The following CACNA1E variants were observed in gnomAD, a reference collection of about 807,000 sequenced individuals.
The protein encoded by CACNA1E is calcium voltage-gated channel subunit alpha1 E, also known as voltage-dependent R-type calcium channel subunit alpha-1E.
In CACNA1E, 40 loss-of-function variants were observed where a neutral mutation model predicts 259.2. The observed-to-expected ratio is 0.15, with a 90% confidence interval of 0.12 to 0.20. The LOEUF is 0.20. CACNA1E is among the 10% of genes least tolerant of loss of function. The pLI, the probability that CACNA1E is intolerant of heterozygous loss-of-function variation, is 1.00. For synonymous variants in CACNA1E, 1,104 were observed against 1,138.5 expected, an observed-to-expected ratio of 0.97 and a Z score of 0.61; for missense variants, 1,874 against 3,040.1, an observed-to-expected ratio of 0.62 and a Z score of 9.02.
intron 1 of CACNA1E, among the ~76,000 whole-genome samples, chr1:181,506,638 CG>C (rs1156802200): frequency 1.3e-5 from 2 of 152,226 alleles, no homozygotes; most frequent in East Asian, 3.9e-4. Context: ...CTGTGGGGCA[CG>C]GGGAGAAACT....
intron 1 of CACNA1E, among the ~76,000 whole-genome samples, chr1:181,487,023 A>ATTTTT (rs113857890): frequency 2.1e-5 from 3 of 145,250 alleles, no homozygotes; most frequent in Admixed American, 6.8e-5. Flanking sequence ...TAAGTGCCAG[A>ATTTTT]TTTTTTTTTT....
intron 6 of CACNA1E, among the ~76,000 whole-genome samples, chr1:181,596,597 T>TAC (rs1553293355): frequency 6.9e-6 from 1 of 144,750 alleles, no homozygotes; most frequent in African/African-American, 2.5e-5. Flanking sequence ...TGTGTGTGTG[T>TAC]ACACACACAT....
intron 3 of CACNA1E, among the ~76,000 whole-genome samples, chr1:181,535,673 A>G (rs550875904): frequency 1.3e-5 from 2 of 150,906 alleles, no homozygotes; most frequent in South Asian, 4.2e-4. Context: ...TGCTTCCAAT[A>G]TCAACATGAT....
intron 5 of CACNA1E, 48 bp from the exon 6 acceptor site, chr1:181,580,546 AT>A (rs1651421283): frequency 2.5e-6 from 4 of 1,570,898 alleles, no homozygotes; most frequent in Non-Finnish European, 3.5e-6. Flanking sequence ...TTTCCAGCTC[AT>A]GCGAAACACC....
intron 2 of CACNA1E, among the ~76,000 whole-genome samples, chr1:181,413,945 T>G (rs1294430908): frequency 2.0e-5 from 3 of 152,246 alleles, no homozygotes; most frequent in African/African-American, 7.2e-5. Context: ...GGATCATCTA[T>G]TTCATCTTTA....
chr1:181,638,723 C>A (rs112205835), intron 6 of CACNA1E, among the ~76,000 whole-genome samples: 1 of 152,172 alleles, frequency 6.6e-6, no homozygotes, highest in Non-Finnish European at 1.5e-5. Context: ...CTCATGGGGG[C>A]AGTTTCCCCC....
chr1:181,731,144 T>C (rs1312372496), intron 18 of CACNA1E, 31 bp from the exon 19 acceptor site: 2 of 1,596,344 alleles, frequency 1.3e-6, no homozygotes, highest in Middle Eastern at 1.7e-4. Flanking sequence ...GAGGTTGGGG[T>C]GAACTGAACC....
At chr1:181,769,121 G>A (rs551905154) in intron 35 of CACNA1E, among the ~76,000 whole-genome samples, 1 of 152,274 alleles carries the variant, frequency 6.6e-6, no homozygotes, top group South Asian at 2.1e-4. Context: ...TGTGAACTTG[G>A]TGAAGTCACT....
rs74127823 is a variant in CACNA1E, at chr1:181,705,120, G to A, written c.1056-5834G>A. 5.5e-3 allele frequency among the ~76,000 whole-genome samples: 844 copies of A among 152,314 alleles called. 10 individuals carry two copies. The highest frequency in any genetic ancestry group is 0.019 in the African/African-American group (791 of 41,570). Reference sequence around the variant, plus strand: ...AGTTACTTCATTAAGGCAGAAATTAGCCACTTTGTGATTTGTCTGTAGCAG... The same window carrying A: ...AGTTACTTCATTAAGGCAGAAATTAACCACTTTGTGATTTGTCTGTAGCAG... On this transcript the variant is annotated intron_variant, in intron 7 of 47. Coordinates refer to ENST00000367573, the MANE Select transcript of CACNA1E (RefSeq NM_001205293.3).
chr1:181,457,896 C>A (rs2102361066), intron 2 of CACNA1E, among the ~76,000 whole-genome samples: 1 of 152,288 alleles, frequency 6.6e-6, no homozygotes, highest in South Asian at 2.1e-4. Context: ...CTCCAGGATG[C>A]TGGGGGAAGG....
At chr1:181,621,724 A>G (rs1399601679) in intron 6 of CACNA1E, among the ~76,000 whole-genome samples, 5 of 152,174 alleles carry the variant, frequency 3.3e-5, no homozygotes, top group Admixed American at 6.5e-5. Flanking sequence ...GTATCACACG[A>G]GTTTTTTTTA....
chr1:181,522,286 G>A (rs1033151707), intron 3 of CACNA1E, among the ~76,000 whole-genome samples: 6 of 152,054 alleles, frequency 3.9e-5, no homozygotes, highest in African/African-American at 1.4e-4. Flanking sequence ...TTAAAGATTT[G>A]TTAACCTGCC....
chr1:181,521,688 G>A (rs1184941101), intron 3 of CACNA1E, among the ~76,000 whole-genome samples: 1 of 152,192 alleles, frequency 6.6e-6, no homozygotes, highest in African/African-American at 2.4e-5. Flanking sequence ...ATTTAATAGT[G>A]TATAACATGC....
chr1:181,551,334 C>G (rs986511523), intron 3 of CACNA1E, among the ~76,000 whole-genome samples: 9 of 152,188 alleles, frequency 5.9e-5, no homozygotes, highest in African/African-American at 2.2e-4. Flanking sequence ...CAGTCAGACT[C>G]AGTGGTTGCC....
intron 2 of CACNA1E, among the ~76,000 whole-genome samples, chr1:181,456,413 C>CT (rs1369543096): frequency 2.6e-5 from 4 of 152,160 alleles, no homozygotes; most frequent in African/African-American, 2.4e-5. Context: ...TAAGGAGAGG[C>CT]TGTGCCTGTT....
chr1:181,635,969 A>C (rs2101970386), intron 6 of CACNA1E, among the ~76,000 whole-genome samples: 1 of 152,350 alleles, frequency 6.6e-6, no homozygotes, highest in Non-Finnish European at 1.5e-5. Flanking sequence ...TGGGGTGATA[A>C]GTATTGTAAT....
intron 1 of CACNA1E, among the ~76,000 whole-genome samples, chr1:181,510,025 A>G (rs1418418412): frequency 1.3e-5 from 2 of 152,230 alleles, no homozygotes; most frequent in Admixed American, 1.3e-4. Context: ...AATGGATTGC[A>G]GCAGCTGGAT....
rs1662702249 is a variant in CACNA1E, at chr1:181,807,351, G to A, written c.*8517G>A. On this transcript the variant is annotated 3_prime_UTR_variant, in exon 48 of 48. Coordinates refer to ENST00000367573, the MANE Select transcript of CACNA1E (RefSeq NM_001205293.3). Reference sequence around the variant, plus strand: ...TATGACCAGCCTCCTCTGAAAAAAGGTGGGGGGATTATAGGGCACCAGCTC... The same window carrying A: ...TATGACCAGCCTCCTCTGAAAAAAGATGGGGGGATTATAGGGCACCAGCTC... 2 of 152,112 alleles carry A rather than the reference G, an allele frequency of 1.3e-5. No homozygotes were observed. Among genetic ancestry groups the A allele is most frequent in the African/African-American group, 4.8e-5 (2 of 41,402 alleles). 9.4% of individuals were successfully genotyped at this position (152,112 alleles called of 1,614,324 possible). A position where few individuals can be genotyped will look rare whatever the true frequency, so the allele number is the denominator to read the frequency against.
chr1:181,511,246 T>C, intron 2 of CACNA1E, 125 bp from the exon 3 acceptor site: 2 of 1,139,038 alleles, frequency 1.8e-6, no homozygotes, highest in Admixed American at 1.9e-5. Flanking sequence ...TTAGCACCCT[T>C]GCTTCCCACC....
Sources: gnomAD v4.1 joint callset for allele counts (sites outside exome capture counted in the v4.1 genomes callset) on GRCh38, gnomAD v4.1.1 for gene constraint, MANE v1.5 for transcripts, NCBI Gene and HGNC (gene_info 2026-07-23, HGNC 2026-07-21) for gene names.